FANCD2OS: variants seen among roughly 807,000 people sequenced by gnomAD.
FANCD2OS encodes FANCD2 opposite strand protein.
In FANCD2OS, 11 loss-of-function variants were observed where a neutral mutation model predicts 13.2. The observed-to-expected ratio is 0.83, with a 90% CI of 0.52 to 1.38. FANCD2OS has a LOEUF of 1.38. Ranked by LOEUF, FANCD2OS falls within the 40% of genes most tolerant of loss-of-function variation. FANCD2OS has a pLI of 0.00. For missense variants in FANCD2OS, 217 were observed against 213.9 expected (o/e 1.01, Z -0.09); for synonymous variants, 69 against 84.5 (o/e 0.82, Z 1.01).
At chr3:10,085,822 T>C in intron 2 of FANCD2OS, 1 of 1,612,594 alleles carries the variant, frequency 6.2e-7, no homozygotes, top group Non-Finnish European at 8.5e-7. Context: ...GAGTGGATTT[T>C]CTCAACCTGA....
intron 2 of FANCD2OS, chr3:10,081,555 A>G: frequency 1.1e-6 from 1 of 934,690 alleles, no homozygotes; most frequent in African/African-American, 1.6e-5. Flanking sequence ...AAGAAAGAAA[A>G]GGTTCAAAAA....
At chr3:10,085,922 G>A in intron 2 of FANCD2OS, 2 of 1,601,410 alleles carry the variant, frequency 1.2e-6, no homozygotes, top group Non-Finnish European at 1.7e-6. Context: ...GAACTACTCA[G>A]GTGAGTCATA....
At chr3:10,084,175 G>T (rs1187983528) in intron 2 of FANCD2OS, among the ~76,000 whole-genome samples, 4 of 151,898 alleles carry the variant, frequency 2.6e-5, no homozygotes, top group Admixed American at 2.6e-4. Context: ...TGTATTTTTA[G>T]TAGAGACGGG....
At chr3:10,100,423 G>C (rs190191504), downstream of FANCD2OS, among the ~76,000 whole-genome samples, 1 of 152,306 alleles carries the variant, frequency 6.6e-6, no homozygotes, top group African/African-American at 2.4e-5. Flanking sequence ...GCCCAGGCTA[G>C]CATGCAGTGG....
chr3:10,082,934 C>T (rs1388772809), intron 2 of FANCD2OS, among the ~76,000 whole-genome samples: 1 of 152,108 alleles, frequency 6.6e-6, no homozygotes, highest in Non-Finnish European at 1.5e-5. Flanking sequence ...GGCAAATAAA[C>T]ATGTGAAAGG....
At chr3:10,094,054 A>G (rs1025797316) in intron 2 of FANCD2OS, among the ~76,000 whole-genome samples, 1 of 152,228 alleles carries the variant, frequency 6.6e-6, no homozygotes, top group African/African-American at 2.4e-5. Flanking sequence ...TTCCCTGTCC[A>G]TCGACTGTAT....
In FANCD2OS at chr3:10,104,473, G is replaced by T. The variant is rs759735487; in HGVS notation, c.302C>A (p.Ser101Tyr). The change falls in exon 2 of 2, where the codon TCT becomes TAT. Residue 101 changes from serine (S) to tyrosine (Y), a missense_variant. By Grantham distance (144) the Ser-to-Tyr change is moderately radical. Transcript: ENST00000450660. ...PQPIRLSGVD[S>Y]VFGRVITAQP... ...AGCTGTGATAACCCTGCCAAAGACA[G>T]AATCTACTCCACTGAGGCGGATGGG... 1 of 1,614,210 alleles carries T rather than the reference G, an allele frequency of 6.2e-7. No individual in the cohort carries two copies.
chr3:10,104,549 T>C lies in FANCD2OS; in HGVS notation c.226A>G (p.Thr76Ala), dbSNP rs761260396. 20 of 1,614,068 alleles carry C rather than the reference T, an allele frequency of 1.2e-5. No homozygotes were observed. The East Asian group carries it at 4.2e-4, about 34-fold the overall frequency. Residue 76 changes from threonine (T) to alanine (A), a missense_variant, in exon 2 of 2, where the codon ACA becomes GCA. Physicochemically the swap from Thr to Ala is moderately conservative, Grantham distance 58. Coordinates refer to ENST00000450660, the MANE Select transcript of FANCD2OS (RefSeq NM_001164839.2). ...SGVSPKLPCH[T>A]SELRTMNNKG... is the part of the protein sequence containing the mutation. ...TTGTTCATCGTGCGCAACTCTGATG[T>C]GTGGCAGGGTAACTTGGGACTCACT...
downstream of FANCD2OS, chr3:10,101,246 A>G: frequency 6.2e-7 from 1 of 1,612,454 alleles, no homozygotes; most frequent in Non-Finnish European, 8.5e-7. Context: ...GATGAGAGTT[A>G]TGATGACTCT....
chr3:10,105,713 T>C (rs1342567423), intron 1 of FANCD2OS, among the ~76,000 whole-genome samples: 1 of 128,852 alleles, frequency 7.8e-6, no homozygotes, highest in African/African-American at 2.8e-5. Flanking sequence ...ATCGCACCAC[T>C]GCACTCCAGC....
intron 2 of FANCD2OS, among the ~76,000 whole-genome samples, chr3:10,084,252 A>G (rs1218527886): frequency 6.7e-6 from 1 of 150,020 alleles, no homozygotes; most frequent in East Asian, 2.0e-4. Context: ...TCAGCCTCCC[A>G]AAGTGCTGGG....
At chr3:10,098,096 A>G (rs768250261), downstream of FANCD2OS, among the ~76,000 whole-genome samples, 14 of 152,176 alleles carry the variant, frequency 9.2e-5, no homozygotes, top group Non-Finnish European at 1.8e-4. Context: ...TTTCATGCTT[A>G]CAATATCTGA....
intron 2 of FANCD2OS, among the ~76,000 whole-genome samples, chr3:10,092,615 C>T (rs947552706): frequency 2.0e-5 from 3 of 151,676 alleles, no homozygotes; most frequent in Non-Finnish European, 2.9e-5. Flanking sequence ...CTCTCACCCA[C>T]TCCATCGTGG....
intron 2 of FANCD2OS, among the ~76,000 whole-genome samples, chr3:10,089,362 T>A (rs921304351): frequency 6.6e-6 from 1 of 152,188 alleles, no homozygotes; most frequent in African/African-American, 2.4e-5. Context: ...CCTCATCTAA[T>A]TCTGATACAG....
chr3:10,101,004 G>A (rs1266087647), downstream of FANCD2OS, among the ~76,000 whole-genome samples: 1 of 151,982 alleles, frequency 6.6e-6, no homozygotes, highest in Admixed American at 6.6e-5. Flanking sequence ...GGGAGGCAGA[G>A]GTTGCAGTGA....
chr3:10,095,918 G>A (rs937570191), intron 2 of FANCD2OS, among the ~76,000 whole-genome samples: 1 of 103,648 alleles, frequency 9.6e-6, no homozygotes, highest in Non-Finnish European at 1.8e-5. Flanking sequence ...GTCTCGCTTT[G>A]TAGCCCAGGC....
intron 2 of FANCD2OS, among the ~76,000 whole-genome samples, chr3:10,084,060 C>T (rs1694020927): frequency 6.6e-6 from 1 of 151,620 alleles, no homozygotes; most frequent in Non-Finnish European, 1.5e-5. Flanking sequence ...GTGGCGCGAT[C>T]TCGGCTCACT....
At chr3:10,096,662 A>G (rs1196112385) in intron 2 of FANCD2OS, among the ~76,000 whole-genome samples, 1 of 152,104 alleles carries the variant, frequency 6.6e-6, no homozygotes, top group Non-Finnish European at 1.5e-5. Flanking sequence ...TGCACCCCTC[A>G]TCTTAGGCAG....
rs906026844 is a variant in FANCD2OS, at chr3:10,095,090, C to G, written c.*43+9108G>C. ...AAATTAAGATGATTATCAGCATAGG[C>G]TGGAAACTGCAGAGTTTATCCTCTT... On this transcript the variant is annotated intron_variant, in intron 2 of 2. Coordinates refer to the FANCD2OS transcript ENST00000524279. 6.8e-6 allele frequency: 6 copies of G among 882,084 alleles called. No homozygotes were observed. In the Middle Eastern group the frequency reaches 8.5e-4, roughly 125 times the overall value. 54.6% of individuals were successfully genotyped at this position (882,084 alleles called of 1,614,324 possible). A position where few individuals can be genotyped will look rare whatever the true frequency, so the allele number is the denominator to read the frequency against.
Sources: gnomAD v4.1 joint callset for allele counts (sites outside exome capture counted in the v4.1 genomes callset) on GRCh38, gnomAD v4.1.1 for gene constraint, MANE v1.5 for transcripts, NCBI Gene and HGNC (gene_info 2026-07-23, HGNC 2026-07-21) for gene names.